CCSER1: variants seen among roughly 807,000 people sequenced by gnomAD.
CCSER1 encodes coiled-coil serine rich protein 1.
In CCSER1, 41 loss-of-function variants were observed where a neutral mutation model predicts 82.0. That is an observed-to-expected ratio of 0.50 (90% CI 0.39 to 0.65). The LOEUF is 0.65. Ranked by LOEUF, CCSER1 falls within the 30% of genes least tolerant of loss-of-function variation. The pLI, the probability that CCSER1 is intolerant of heterozygous loss-of-function variation, is 0.00. For missense variants in CCSER1, 1,119 were observed against 1,064.2 expected (o/e 1.05, Z -0.72); for synonymous variants, 414 against 383.9 (o/e 1.08, Z -0.92).
chr4:90,369,147 C>CAGGA lies in CCSER1; in HGVS notation c.1510-30880_1510-30877dup, dbSNP rs202216834. ...CTGGTCTGGCTAATTAATTGGAAAA[C>CAGGA]AGGAAGGAAGGAGAGGAGGAGGAAA... On this transcript the variant is annotated intron_variant, in intron 3 of 10. Coordinates refer to ENST00000509176, the MANE Select transcript of CCSER1 (RefSeq NM_001145065.2). 5.0e-3 allele frequency among the ~76,000 whole-genome samples: 729 copies of CAGGA among 146,762 alleles called. 7 individuals are homozygous for CAGGA. Among genetic ancestry groups the CAGGA allele is most frequent in the African/African-American group, 0.018 (678 of 38,400 alleles).
chr4:91,110,648 C>G (rs540605464), intron 10 of CCSER1, among the ~76,000 whole-genome samples: 5 of 152,072 alleles, frequency 3.3e-5, no homozygotes, highest in East Asian at 1.9e-4. Context: ...GTCAGTCTGT[C>G]AAATAGACTA....
chr4:91,501,526 CT>C (rs1378720795), intron 10 of CCSER1, among the ~76,000 whole-genome samples: 2 of 151,870 alleles, frequency 1.3e-5, no homozygotes, highest in Admixed American at 6.6e-5. Flanking sequence ...ATTATTACCC[CT>C]AATATAATAG....
intron 5 of CCSER1, among the ~76,000 whole-genome samples, chr4:90,615,148 A>G (rs1720944098): frequency 6.7e-6 from 1 of 149,746 alleles, no homozygotes; most frequent in Non-Finnish European, 1.5e-5. Context: ...TACTGCTCAG[A>G]AAAAAACAAG....
intron 10 of CCSER1, among the ~76,000 whole-genome samples, chr4:91,402,640 G>A (rs374813306): frequency 6.6e-6 from 1 of 151,918 alleles, no homozygotes; most frequent in Non-Finnish European, 1.5e-5. Context: ...AGCACCATTT[G>A]TTAAATAGGG....
chr4:91,306,064 TGTGTGTGTG>T (rs1745051823), intron 10 of CCSER1, among the ~76,000 whole-genome samples: 2 of 142,932 alleles, frequency 1.4e-5, no homozygotes, highest in African/African-American at 5.8e-5. Context: ...TGTGTTTGTG[TGTGTGTGTG>T]TGTGTGTGTG....
intron 7 of CCSER1, among the ~76,000 whole-genome samples, chr4:90,767,072 T>C (rs1235717431): frequency 6.6e-6 from 1 of 152,198 alleles, no homozygotes; most frequent in Non-Finnish European, 1.5e-5. Flanking sequence ...CTGTGTATCA[T>C]TCAAACTTGG....
intron 9 of CCSER1, among the ~76,000 whole-genome samples, chr4:90,923,691 T>C (rs2150252242): frequency 6.6e-6 from 1 of 152,320 alleles, no homozygotes; most frequent in African/African-American, 2.4e-5. Flanking sequence ...TACAGTCTTT[T>C]GAATTAGTGT....
chr4:90,831,118 G>A (rs559375025), intron 8 of CCSER1, among the ~76,000 whole-genome samples: 11 of 152,084 alleles, frequency 7.2e-5, no homozygotes, highest in African/African-American at 1.2e-4. Flanking sequence ...GAAGGTATGC[G>A]CATACTAAGA....
chr4:91,320,758 A>C (rs749589716), intron 10 of CCSER1, among the ~76,000 whole-genome samples: 3 of 152,142 alleles, frequency 2.0e-5, no homozygotes. Context: ...TGTTTTAATA[A>C]AACCAGGAAA....
At chr4:91,567,764 A>C (rs546155674) in intron 10 of CCSER1, among the ~76,000 whole-genome samples, 1 of 151,872 alleles carries the variant, frequency 6.6e-6, no homozygotes, top group Non-Finnish European at 1.5e-5. Context: ...CTGTTATTAC[A>C]TGTGAGATGG....
At chr4:90,329,115 G>A (rs914602729) in intron 3 of CCSER1, among the ~76,000 whole-genome samples, 8 of 151,988 alleles carry the variant, frequency 5.3e-5, no homozygotes, top group Non-Finnish European at 1.0e-4. Flanking sequence ...AAAATCAAAG[G>A]TACACTTTCT....
At chr4:91,501,840 T>C (rs1759228282) in intron 10 of CCSER1, among the ~76,000 whole-genome samples, 1 of 152,166 alleles carries the variant, frequency 6.6e-6, no homozygotes, top group African/African-American at 2.4e-5. Context: ...CATGAGAATT[T>C]CCCACTTTTA....
chr4:91,159,159 C>T (rs149788657), intron 10 of CCSER1, among the ~76,000 whole-genome samples: 60 of 151,900 alleles, frequency 3.9e-4, no homozygotes, highest in African/African-American at 1.4e-3. Flanking sequence ...GTCTTTTTCC[C>T]CACATGTTCT....
intron 6 of CCSER1, among the ~76,000 whole-genome samples, chr4:90,645,191 G>A (rs1396781759): frequency 6.6e-6 from 1 of 151,740 alleles, no homozygotes. Context: ...AAGTTACATT[G>A]TTTCATAGCA....
At chr4:91,234,946 T>C (rs1348122759) in intron 10 of CCSER1, among the ~76,000 whole-genome samples, 1 of 152,026 alleles carries the variant, frequency 6.6e-6, no homozygotes, top group African/African-American at 2.4e-5. Context: ...ATCAAAGCAG[T>C]CTATTCCTTT....
chr4:90,343,539 C>T (rs964881113), intron 3 of CCSER1, among the ~76,000 whole-genome samples: 1 of 152,056 alleles, frequency 6.6e-6, no homozygotes, highest in Admixed American at 6.6e-5. Context: ...ATCACTTGAG[C>T]CTGGGAGACG....
rs1375722725 is a variant in CCSER1 at position 91,006,397 on chromosome 4, T to C, written c.2173-79553T>C. Among the ~76,000 whole-genome samples, 3 of 152,102 alleles carry C rather than the reference T, an allele frequency of 2.0e-5. No individual in the cohort carries two copies. The East Asian group carries it at 5.8e-4, about 29-fold the overall frequency. On this transcript the variant is annotated intron_variant, in intron 9 of 10. Transcript: ENST00000509176. ...TTCTAACAGTTTTTTTGATGCATTATTTAGGGATTTCTATATATAAAATGA... is the reference window on the plus strand; with the variant it reads ...TTCTAACAGTTTTTTTGATGCATTACTTAGGGATTTCTATATATAAAATGA...
At chr4:90,169,837 A>G (rs1731288909) in intron 1 of CCSER1, among the ~76,000 whole-genome samples, 1 of 151,748 alleles carries the variant, frequency 6.6e-6, no homozygotes, top group African/African-American at 2.4e-5. Context: ...GTACTTATCT[A>G]GTGTCCCTCT....
intron 10 of CCSER1, among the ~76,000 whole-genome samples, chr4:91,464,627 C>A (rs1414355582): frequency 6.6e-6 from 1 of 152,114 alleles, no homozygotes; most frequent in African/African-American, 2.4e-5. Context: ...TGCAGAGACA[C>A]GCATAGGCTC....
Sources: allele counts gnomAD v4.1 joint callset (sites outside exome capture counted in the v4.1 genomes callset), GRCh38; gene constraint gnomAD v4.1.1; transcripts MANE v1.5; gene names NCBI Gene and HGNC (gene_info 2026-07-23, HGNC 2026-07-21).